INPP1: variants seen among roughly 807,000 people sequenced by gnomAD.
INPP1 encodes the protein inositol polyphosphate-1-phosphatase.
INPP1 carries 18 observed loss-of-function variants against 23.0 expected under a neutral mutation model. The ratio of observed to expected loss-of-function variants is 0.78; its 90% CI spans 0.54 to 1.16. The LOEUF (loss-of-function observed/expected upper bound fraction) is 1.16. Among genes scored for constraint, INPP1 ranks in the 50% most tolerant of loss-of-function variants. INPP1 has a pLI of 0.00. For synonymous variants in INPP1, 164 were observed against 176.3 expected (o/e 0.93, Z 0.55); for missense variants, 448 against 482.1 (o/e 0.93, Z 0.66).
chr2:190,352,207 C>A lies in INPP1; in HGVS notation c.-65+3176C>A, dbSNP rs1689336771. 6.6e-6 allele frequency among the ~76,000 whole-genome samples: 1 copy of A among 152,158 alleles called. No individual in the cohort carries two copies. Among genetic ancestry groups the A allele is most frequent in the Admixed American group, 6.5e-5 (1 of 15,268 alleles). ...AGAAGGGCGTGTCAACCAGAGGGAGCAGCATGTGCAAATTTACAATCTTCC... is the reference window on the plus strand; with the variant it reads ...AGAAGGGCGTGTCAACCAGAGGGAGAAGCATGTGCAAATTTACAATCTTCC... On this transcript the variant is annotated intron_variant, in intron 2 of 6. Transcript: ENST00000392329. The surrounding 1 kb of genome is among the most constrained non-coding windows in gnomAD (Gnocchi z 4.7).
chr2:190,366,825 T>C lies in INPP1; in HGVS notation c.396T>C (p.Thr132=). 1 of 1,614,138 alleles carries C rather than the reference T, an allele frequency of 6.2e-7. No homozygotes were observed. Among genetic ancestry groups the C allele is most frequent in the Non-Finnish European group, 8.5e-7 (1 of 1,179,928 alleles). ...ARVVHQDVAF[T]DPTLDSTEIN... Reference sequence around the variant, plus strand: ...TTGTTCATCAGGATGTTGCCTTTACTGACCCAACTCTGGATTCCACAGAGA... The same window carrying C: ...TTGTTCATCAGGATGTTGCCTTTACCGACCCAACTCTGGATTCCACAGAGA... Residue 132 remains threonine (T), a synonymous_variant, in exon 5 of 7, where the codon ACT becomes ACC. Transcript: ENST00000392329.
intron 2 of INPP1, among the ~76,000 whole-genome samples, chr2:190,358,344 T>G (rs995296115): frequency 1.3e-5 from 2 of 152,164 alleles, no homozygotes; most frequent in Non-Finnish European, 2.9e-5. Flanking sequence ...CCCAAAGTGC[T>G]GGGATTACAG....
At chr2:190,359,960 T>G (rs1689502305) in intron 2 of INPP1, 79 bp from the exon 3 acceptor site, 4 of 709,170 alleles carry the variant, frequency 5.6e-6, no homozygotes, top group Non-Finnish European at 9.5e-6. Flanking sequence ...GACTGCCAAA[T>G]GGGTTGTTAG....
In INPP1 at chr2:190,359,888, A is replaced by G. The variant is rs1417532623; in HGVS notation, c.-64-151A>G. On this transcript the variant is annotated intron_variant, in intron 2 of 6. Transcript: ENST00000392329. ...GCTTCAAATGTTAGATTGTATCTAG[A>G]GTCTTCCACACTGAGGATGTGAATA... 3.8e-6 allele frequency: 2 copies of G among 523,034 alleles called. 1 individual carries two copies. Among genetic ancestry groups the G allele is most frequent in the African/African-American group, 3.8e-5 (2 of 52,546 alleles). 32.4% of individuals were successfully genotyped at this position (523,034 alleles called of 1,614,324 possible).
rs1348127768 is a variant in INPP1, at chr2:190,360,264, T to G, written c.162T>G (p.Asp54Glu). Residue 54 changes from aspartate to glutamate, a missense_variant, in exon 3 of 7, where the codon GAT (aspartate) becomes GAG (glutamate). By Grantham distance (45) the Asp-to-Glu change is conservative (BLOSUM62 2). Coordinates refer to ENST00000392329, the MANE Select transcript of INPP1 (RefSeq NM_001128928.2). ...CAGTTGACTTCAAGACGCTGGCTGA[T>G]GTACTGGTACAGGAAGTTATAAAAC... ...KFAVDFKTLA[D>E]VLVQEVIKQN... 1 of 1,614,084 alleles carries G rather than the reference T, an allele frequency of 6.2e-7. No homozygotes were observed. Among genetic ancestry groups the G allele is most frequent in the Non-Finnish European group, 8.5e-7 (1 of 1,180,034 alleles).
Position 190,367,758 on chromosome 2 carries a change from T to G in INPP1, c.466+863T>G, listed in dbSNP as rs1468878930. On this transcript the variant is annotated intron_variant, in intron 5 of 6. Coordinates refer to ENST00000392329, the MANE Select transcript of INPP1 (RefSeq NM_001128928.2). This position sits in a 1 kb window ranked among gnomAD's most constrained non-coding sequence, Gnocchi z 4.1. ...TTTTATATTGTTTTTAGAGAAGGGG[T>G]TTTTACCATGTTTCCCAGGCTGGTC... Among the ~76,000 whole-genome samples the G allele has an allele frequency of 6.6e-6, 1 of 151,822 alleles. No individual in the cohort carries two copies. Among genetic ancestry groups the G allele is most frequent in the East Asian group, 1.9e-4 (1 of 5,170 alleles).
rs1689699846 is a variant in INPP1, at chr2:190,367,276, C to G, written c.466+381C>G. ...GAGCACACATACCATTTAAAGAGCA[C>G]TTAGCTTTAGCAGATTGTTACCATA... is the stretch of plus-strand genomic sequence containing the variant. On this transcript the variant is annotated intron_variant, in intron 5 of 6. Transcript: ENST00000392329. This position sits in a 1 kb window ranked among gnomAD's most constrained non-coding sequence, Gnocchi z 4.1. Among the ~76,000 whole-genome samples, 1 of 152,194 alleles carries G rather than the reference C, an allele frequency of 6.6e-6. No homozygotes were observed.
intron 2 of INPP1, among the ~76,000 whole-genome samples, chr2:190,349,962 A>G (rs774805502): frequency 6.6e-6 from 1 of 152,186 alleles, no homozygotes; most frequent in Non-Finnish European, 1.5e-5. Flanking sequence ...CTCCTGCCTC[A>G]GCCTCCTGAG....
chr2:190,359,022 G>A (rs1048774420), intron 2 of INPP1, among the ~76,000 whole-genome samples: 1 of 152,104 alleles, frequency 6.6e-6, no homozygotes, highest in African/African-American at 2.4e-5. Context: ...GTCTGAGGCT[G>A]GGCGCAGTGG....
chr2:190,358,284 C>T (rs561890426), intron 2 of INPP1, among the ~76,000 whole-genome samples: 58 of 152,144 alleles, frequency 3.8e-4, no homozygotes, highest in African/African-American at 1.1e-3. Context: ...ACCATGTTGG[C>T]CAGGCTGGTT....
At chr2:190,370,330 A>G (rs1200034362) in intron 6 of INPP1, among the ~76,000 whole-genome samples, 2 of 152,226 alleles carry the variant, frequency 1.3e-5, no homozygotes, top group Non-Finnish European at 2.9e-5. Context: ...GGAAGGTGCT[A>G]TAATTATTGT....
chr2:190,358,321 T>C (rs1039279735), intron 2 of INPP1, among the ~76,000 whole-genome samples: 3 of 151,962 alleles, frequency 2.0e-5, no homozygotes, highest in Non-Finnish European at 4.4e-5. Context: ...AGGTGATCCA[T>C]GCGCCTTGGC....
chr2:190,358,390 A>G lies in INPP1; in HGVS notation c.-64-1649A>G, dbSNP rs1689467545. ...CTGCGCCCAGTCCCGGCTAATTTTT[A>G]TATTTTTAGTAGAGATGGGGTTTCA... On this transcript the variant is annotated intron_variant, in intron 2 of 6. Coordinates refer to ENST00000392329, the MANE Select transcript of INPP1 (RefSeq NM_001128928.2). 2.0e-5 allele frequency among the ~76,000 whole-genome samples: 3 copies of G among 151,548 alleles called. No homozygotes were observed. The South Asian group carries it at 6.3e-4, about 32-fold the overall frequency.
At chr2:190,362,802 A>C in intron 4 of INPP1, 115 bp downstream of exon 4, 1 of 583,954 alleles carries the variant, frequency 1.7e-6, no homozygotes, top group Non-Finnish European at 2.9e-6. Flanking sequence ...ACAACATAAT[A>C]TATTTGAATG....
chr2:190,359,565 AAAAAAAAG>A, intron 2 of INPP1: 1 of 145,566 alleles, frequency 6.9e-6, no homozygotes, highest in Non-Finnish European at 1.5e-5. Flanking sequence ...TCAAAAAAAA[AAAAAAAAG>A]AAAGAAAAAA....
rs1689576553 is a variant in INPP1, at chr2:190,363,603, GAA to G, written c.265+921_265+922del. 6.6e-6 allele frequency among the ~76,000 whole-genome samples: 1 copy of G among 151,786 alleles called. No individual in the cohort carries two copies. Among genetic ancestry groups the G allele is most frequent in the South Asian group, 2.1e-4 (1 of 4,810 alleles). On this transcript the variant is annotated intron_variant, in intron 4 of 6. Transcript: ENST00000392329. This position sits in a 1 kb window ranked among gnomAD's most constrained non-coding sequence, Gnocchi z 4.4. Reference sequence around the variant, plus strand: ...ATATATCTAGAAACACAATTACAAAGAAAAAATGAGTTTCTAGATTAACTCTG... The same window carrying G: ...ATATATCTAGAAACACAATTACAAAGAAAATGAGTTTCTAGATTAACTCTG...
rs1689385670 is a variant in INPP1, at chr2:190,354,695, C to T, written c.-64-5344C>T. ...AGTGCGATTTTATTGTTAAGCTACC[C>T]AGTCTTAACAAACTAACACCAGAAG... On this transcript the variant is annotated intron_variant, in intron 2 of 6. Transcript: ENST00000392329. This position sits in a 1 kb window ranked among gnomAD's most constrained non-coding sequence, Gnocchi z 4.8. Among the ~76,000 whole-genome samples, 1 of 152,204 alleles carries T rather than the reference C, an allele frequency of 6.6e-6. No individual in the cohort carries two copies. The highest frequency in any genetic ancestry group is 6.5e-5 in the Admixed American group (1 of 15,274).
At chr2:190,344,792 C>T (rs1259436014) in intron 1 of INPP1, among the ~76,000 whole-genome samples, 1 of 152,142 alleles carries the variant, frequency 6.6e-6, no homozygotes, top group Middle Eastern at 3.2e-3. Context: ...CAGAAGTTTG[C>T]CCACTGTATG....
intron 1 of INPP1, 91 bp downstream of exon 1, chr2:190,344,052 C>T: frequency 6.1e-6 from 2 of 325,496 alleles, no homozygotes. Context: ...TGGTGAGCGG[C>T]GCGCGCCGTC....
Sources: allele counts gnomAD v4.1 joint callset (sites outside exome capture counted in the v4.1 genomes callset), GRCh38; gene constraint gnomAD v4.1.1; non-coding constraint Gnocchi (gnomAD v3.1); transcripts MANE v1.5; gene names NCBI Gene and HGNC (gene_info 2026-07-23, HGNC 2026-07-21).